TNNT3: variants seen among roughly 807,000 people sequenced by gnomAD.
The protein encoded by TNNT3 is troponin T3, fast skeletal type.
TNNT3 carries 36 observed loss-of-function variants against 54.2 expected under a neutral mutation model. That is an observed-to-expected ratio of 0.66 (90% CI 0.51 to 0.88). The LOEUF (loss-of-function observed/expected upper bound fraction) is 0.88, where lower values mean the gene tolerates loss of function less well. TNNT3 is among the 40% of genes least tolerant of loss of function. The pLI is 0.00. For missense variants in TNNT3, 291 were observed against 331.6 expected (o/e 0.88, Z 0.95); for synonymous variants, 120 against 109.7 (o/e 1.09, Z -0.59).
intron 14 of TNNT3, among the ~76,000 whole-genome samples, 179 bp from the exon 15 acceptor site, chr11:1,936,784 G>T (rs1855201132): frequency 6.6e-6 from 1 of 152,226 alleles, no homozygotes; most frequent in African/African-American, 2.4e-5. Flanking sequence ...GGGGCCACGG[G>T]ACGGTGTCCC....
intron 2 of TNNT3, 37 bp downstream of exon 2, chr11:1,922,928 C>T (rs1236609195): frequency 1.1e-5 from 18 of 1,613,618 alleles, no homozygotes; most frequent in South Asian, 2.2e-5. Context: ...CTGCCTGGCT[C>T]GGGACCCTGG....
chr11:1,937,463 T>C (rs1267514584), intron 15 of TNNT3, among the ~76,000 whole-genome samples: 1 of 152,120 alleles, frequency 6.6e-6, no homozygotes, highest in East Asian at 1.9e-4. Flanking sequence ...GGCAAAATCA[T>C]GGACTCCTCA....
Position 1,928,834 on chromosome 11 carries a change from C to T in TNNT3, c.83-286C>T. ...ACAGATGAGACCCAGTGCCCTTAGCCCCCCACCTTGCCCCGCGAGGTCCCC... is the reference window on the plus strand; with the variant it reads ...ACAGATGAGACCCAGTGCCCTTAGCTCCCCACCTTGCCCCGCGAGGTCCCC... On this transcript the variant is annotated intron_variant, in intron 6 of 15. Transcript: ENST00000278317. 158 of 25,184 alleles carry T rather than the reference C, an allele frequency of 6.3e-3. 63 individuals carry two copies. Among genetic ancestry groups the T allele is most frequent in the East Asian group, 0.031 (10 of 318 alleles). The allele number at this position is 25,184 out of a possible 1,614,324, so 1.6% of individuals were successfully genotyped here. A position where few individuals can be genotyped will look rare whatever the true frequency, so the allele number is the denominator to read the frequency against.
chr11:1,920,768 C>T (rs1253373062), intron 1 of TNNT3, among the ~76,000 whole-genome samples: 14 of 152,198 alleles, frequency 9.2e-5, no homozygotes, highest in Non-Finnish European at 1.5e-4. Flanking sequence ...ACTAACTGGA[C>T]ACCTGCTTTG....
At chr11:1,928,940 T>C (rs749382422) in intron 6 of TNNT3, 180 bp from the exon 7 acceptor site, 4 of 576,752 alleles carry the variant, frequency 6.9e-6, no homozygotes, top group South Asian at 1.5e-5. Context: ...TCCCCAGGCA[T>C]TGATTCACCG....
intron 9 of TNNT3, 31 bp downstream of exon 9, chr11:1,932,545 C>G (rs754427849): frequency 1.2e-5 from 19 of 1,611,144 alleles, no homozygotes; most frequent in Non-Finnish European, 1.6e-5. Flanking sequence ...TTAACATGTC[C>G]ACGGTTTCCC....
In TNNT3 at chr11:1,933,993, C is replaced by T. The variant is rs770404386; in HGVS notation, c.351C>T (p.Arg117=). ...QRIRAEKERE[R]QNRLAEEKAR... is the part of the protein sequence containing the mutation. ...TTCGTGCAGAGAAGGAGAGGGAGCG[C>T]CAGAACAGACTGGCGGTGAGGGCAC... is the stretch of plus-strand genomic sequence containing the variant. The change falls in exon 11 of 16, where the codon CGC becomes CGT. Residue 117 remains arginine (R), a synonymous_variant. Coordinates refer to ENST00000278317, the MANE Select transcript of TNNT3 (RefSeq NM_006757.4). 2.5e-6 allele frequency: 4 copies of T among 1,612,222 alleles called. No homozygotes were observed. The highest frequency in any genetic ancestry group is 1.7e-4 in the Middle Eastern group (1 of 5,878).
intron 15 of TNNT3, 127 bp downstream of exon 15, chr11:1,937,130 CCAGGCCACCCAGGCCAGCATGCG>C: frequency 1.0e-6 from 1 of 970,450 alleles, no homozygotes; most frequent in South Asian, 1.4e-5. Context: ...ACTAACCCGG[CCAGGCCACCCAGGCCAGCATGCG>C]CAGGCCTGTG....
At position 1,938,556 on chromosome 11, in the gene TNNT3, G is replaced by T; in HGVS notation, c.*64G>T. The T allele has an allele frequency of 6.6e-7, 1 of 1,520,506 alleles. No individual in the cohort carries two copies. The highest frequency in any genetic ancestry group is 1.1e-5 in the South Asian group (1 of 87,828). The allele number at this position is 1,520,506 out of a possible 1,614,324, so 94.2% of individuals were successfully genotyped here. On this transcript the variant is annotated 3_prime_UTR_variant, in exon 16 of 16. Coordinates refer to ENST00000278317, the MANE Select transcript of TNNT3 (RefSeq NM_006757.4). ...CCTCTTGCACACCAGGGCCGCTCGT[G>T]GGACTCCACATCCTCCAGCCCCCAC...
intron 15 of TNNT3, chr11:1,938,233 CT>C (rs1406422283): frequency 1.6e-6 from 1 of 637,010 alleles, no homozygotes; most frequent in African/African-American, 1.8e-5. Flanking sequence ...TGCCAGCCCC[CT>C]AACCACACTA....
intron 6 of TNNT3, among the ~76,000 whole-genome samples, chr11:1,928,489 G>A (rs566812213): frequency 4.6e-5 from 7 of 152,332 alleles, no homozygotes; most frequent in African/African-American, 1.4e-4. Flanking sequence ...AGGGAGGTCA[G>A]GGATGAGTGC....
intron 6 of TNNT3, 102 bp downstream of exon 6, chr11:1,926,811 A>G: frequency 6.7e-7 from 1 of 1,497,824 alleles, no homozygotes; most frequent in East Asian, 2.3e-5. Flanking sequence ...TTTGCCACCA[A>G]CAACTGAACC....
intron 3 of TNNT3, among the ~76,000 whole-genome samples, 173 bp downstream of exon 3, chr11:1,923,234 C>T (rs906276990): frequency 3.3e-5 from 5 of 152,110 alleles, no homozygotes; most frequent in South Asian, 2.1e-4. Flanking sequence ...TGGGGGGCCT[C>T]GTCTTTTCCC....
At chr11:1,925,244 G>C (rs372287382) in intron 5 of TNNT3, 128 bp downstream of exon 5, 2 of 1,516,852 alleles carry the variant, frequency 1.3e-6, no homozygotes, top group South Asian at 2.3e-5. Context: ...TCTCTCCCCC[G>C]GCTCTCCTCA....
rs189668582 is a variant in TNNT3, at chr11:1,929,341, G to A, written c.106+198G>A. 7.9e-4 allele frequency among the ~76,000 whole-genome samples: 121 copies of A among 152,320 alleles called. 1 individual carries two copies. Among genetic ancestry groups the A allele is most frequent in the African/African-American group, 2.5e-3 (106 of 41,570 alleles). On this transcript the variant is annotated intron_variant, in intron 7 of 15. Transcript: ENST00000278317. ...GCTGGGGTCGAGCTGCCAGGGCCTC[G>A]CGGGTGCCACCGCTCCAAGTTTCTG...
intron 13 of TNNT3, 46 bp from the exon 14 acceptor site, chr11:1,934,783 C>G (rs1465275080): frequency 6.2e-7 from 1 of 1,604,640 alleles, no homozygotes; most frequent in East Asian, 2.2e-5. Flanking sequence ...CCTGGCCCTG[C>G]CTTTGGGGCT....
At chr11:1,923,181 C>T (rs2133243093) in intron 3 of TNNT3, 120 bp downstream of exon 3, 1 of 1,421,098 alleles carries the variant, frequency 7.0e-7, no homozygotes, top group East Asian at 2.3e-5. Flanking sequence ...AGCTGCATCC[C>T]ATGGGTGGCT....
intron 5 of TNNT3, chr11:1,925,455 G>A: frequency 2.9e-6 from 2 of 700,946 alleles, no homozygotes; most frequent in Non-Finnish European, 5.0e-6. Flanking sequence ...ACCAGAGAGA[G>A]AATGGGGTCT....
At chr11:1,921,964 G>T (rs1233172635) in intron 1 of TNNT3, among the ~76,000 whole-genome samples, 1 of 152,226 alleles carries the variant, frequency 6.6e-6, no homozygotes, top group Non-Finnish European at 1.5e-5. Flanking sequence ...AGGGCAGCCA[G>T]TCCTGGGCAT....
Sources: allele counts gnomAD v4.1 joint callset (sites outside exome capture counted in the v4.1 genomes callset), GRCh38; gene constraint gnomAD v4.1.1; transcripts MANE v1.5; gene names NCBI Gene and HGNC (gene_info 2026-07-23, HGNC 2026-07-21).